Variants in ABCA4 observed in about 807,000 individuals in gnomAD.
ABCA4 encodes the protein ATP binding cassette subfamily A member 4.
In ABCA4, 196 loss-of-function variants were observed where a neutral mutation model predicts 263.7. The observed-to-expected ratio is 0.74, with a 90% CI of 0.66 to 0.84. ABCA4 has a LOEUF of 0.84. Among genes scored for constraint, ABCA4 ranks in the 40% least tolerant of loss-of-function variants. The probability of loss-of-function intolerance (pLI) is 0.00; values close to 1 mark genes in which losing one functional copy is unlikely to be tolerated. For missense variants in ABCA4, 2,792 were observed against 2,855.1 expected, an observed-to-expected ratio of 0.98 and a Z score of 0.50; for synonymous variants, 1,133 against 1,094.2, an observed-to-expected ratio of 1.04 and a Z score of -0.70.
intron 11 of ABCA4, among the ~76,000 whole-genome samples, chr1:94,071,739 C>T (rs12758774): frequency 0.14 from 20,657 of 152,190 alleles, 1,813 homozygotes; most frequent in Non-Finnish European, 0.19. Context: ...CCCATGACCC[C>T]GGTCTACCCC....
rs544986739 is a variant in ABCA4, at chr1:94,040,163, C to G, written c.3523-36G>C. On this transcript the variant is annotated intron_variant, in intron 23 of 49. Coordinates refer to ENST00000370225, the MANE Select transcript of ABCA4 (RefSeq NM_000350.3). Reference sequence around the variant, plus strand: ...TGGATGGGATGACTGACAAGATGCACATCCCTTCCATGACAGCCTCTCCCT... The same window carrying G: ...TGGATGGGATGACTGACAAGATGCAGATCCCTTCCATGACAGCCTCTCCCT... The G allele has an allele frequency of 9.8e-6, 15 of 1,525,378 alleles. No homozygotes were observed. In the East Asian group the frequency reaches 3.0e-4, roughly 30 times the overall value. 94.5% of individuals were successfully genotyped at this position (1,525,378 alleles called of 1,614,324 possible).
intron 30 of ABCA4, among the ~76,000 whole-genome samples, chr1:94,025,972 C>T (rs1660030756): frequency 6.6e-6 from 1 of 152,202 alleles, no homozygotes; most frequent in South Asian, 2.1e-4. Flanking sequence ...ATTTACAAAT[C>T]ACTTTCAAAA....
At chr1:94,032,886 C>T (rs541595977) in intron 26 of ABCA4, among the ~76,000 whole-genome samples, 3 of 152,286 alleles carry the variant, frequency 2.0e-5, no homozygotes, top group African/African-American at 7.2e-5. Context: ...AGACTTTAGC[C>T]TTTTGTGTAT....
At chr1:94,097,811 G>A (rs1323324193) in intron 6 of ABCA4, among the ~76,000 whole-genome samples, 3 of 152,116 alleles carry the variant, frequency 2.0e-5, no homozygotes, top group Non-Finnish European at 4.4e-5. Context: ...GTGCAGTGGC[G>A]CAATCTCGGC....
chr1:94,068,687 A>C (rs1283482877), intron 11 of ABCA4, among the ~76,000 whole-genome samples: 2 of 152,214 alleles, frequency 1.3e-5, no homozygotes, highest in African/African-American at 4.8e-5. Flanking sequence ...CTTCTACACT[A>C]AGAGTAACTA....
At chr1:94,015,697 G>C in intron 37 of ABCA4, 42 bp downstream of exon 37, 2 of 1,501,448 alleles carry the variant, frequency 1.3e-6, no homozygotes, top group Non-Finnish European at 1.8e-6. Context: ...CCACCACCAG[G>C]CTTCTCTTCA....
At chr1:94,053,208 T>G (rs1660885859) in intron 16 of ABCA4, among the ~76,000 whole-genome samples, 1 of 152,192 alleles carries the variant, frequency 6.6e-6, no homozygotes, top group African/African-American at 2.4e-5. Context: ...AAAGCTGTGA[T>G]TGTAAGTACA....
At chr1:94,061,198 G>T (rs751702809) in intron 13 of ABCA4, among the ~76,000 whole-genome samples, 1 of 152,130 alleles carries the variant, frequency 6.6e-6, no homozygotes, top group Non-Finnish European at 1.5e-5. Flanking sequence ...GCTCCCCAAG[G>T]GGTCAGCCGC....
intron 4 of ABCA4, among the ~76,000 whole-genome samples, chr1:94,107,454 A>G (rs918759432): frequency 6.6e-6 from 1 of 152,184 alleles, no homozygotes; most frequent in African/African-American, 2.4e-5. Context: ...TCCACAGAGG[A>G]GCCTACTACA....
rs752570732 is a variant in ABCA4 at position 94,036,380 on chromosome 1, C to CTTT, written c.3862+357_3862+359dup. ...GTTGTTTCATGACTTTTTCCTTAGACTTTTTTTTTTTTTTGAGATGGATTT... is the reference window on the plus strand; with the variant it reads ...GTTGTTTCATGACTTTTTCCTTAGACTTTTTTTTTTTTTTTTTGAGATGGATTT... On this transcript the variant is annotated intron_variant, in intron 26 of 49. Coordinates refer to ENST00000370225, the MANE Select transcript of ABCA4 (RefSeq NM_000350.3). 9.6e-4 allele frequency among the ~76,000 whole-genome samples: 135 copies of CTTT among 141,354 alleles called. 1 individual carries two copies. Among genetic ancestry groups the CTTT allele is most frequent in the African/African-American group, 3.4e-3 (129 of 38,326 alleles). 92.7% of individuals were successfully genotyped at this position (141,354 alleles called of 152,430 possible).
intron 43 of ABCA4, among the ~76,000 whole-genome samples, chr1:94,005,859 T>A (rs1659364468): frequency 6.6e-6 from 1 of 152,208 alleles, no homozygotes; most frequent in Admixed American, 6.5e-5. Context: ...TCACCTCACA[T>A]GTGAGTTTAA....
In ABCA4 at chr1:94,062,653, T is replaced by C. The variant is rs141122703; in HGVS notation, c.1861A>G (p.Arg621Gly). The change falls in exon 13 of 50, where the codon AGG becomes GGG. Residue 621 changes from arginine (R) to glycine (G), a missense_variant. Physicochemically the swap from Arg to Gly is moderately radical, Grantham distance 125. Coordinates refer to ENST00000370225, the MANE Select transcript of ABCA4 (RefSeq NM_000350.3). ...LQDMVEQGIT[R>G]SQVQAEAPVG... ...GGAGCCTCCGCCTGCACCTGGCTCC[T>C]TGTGATCCCCTGTTCAACCATGTCC... The C allele has an allele frequency of 9.2e-5, 148 of 1,614,068 alleles. 1 individual carries two copies. In the Admixed American group the frequency reaches 2.0e-3, roughly 22 times the overall value.
In ABCA4 at chr1:93,993,091, C is replaced by T; in HGVS notation, c.*146G>A. 4.7e-6 allele frequency: 5 copies of T among 1,056,580 alleles called. No homozygotes were observed. The highest frequency in any genetic ancestry group is 7.1e-6 in the Non-Finnish European group (5 of 707,740). 65.5% of individuals were successfully genotyped at this position (1,056,580 alleles called of 1,614,324 possible). A position where few individuals can be genotyped will look rare whatever the true frequency, so the allele number is the denominator to read the frequency against. On this transcript the variant is annotated 3_prime_UTR_variant, in exon 50 of 50. Transcript: ENST00000370225. ...TCTGAAAGACCTCTTTCTGAATTCG[C>T]TGCATGCTCCTCGTGTGTTTGTTTT...
rs4147872 is a variant in ABCA4 at position 93,995,982 on chromosome 1, G to A, written c.6816+127C>T. 101,114 of 769,660 alleles carry A rather than the reference G, an allele frequency of 0.13. 15,330 individuals carry two copies. Among genetic ancestry groups the A allele is most frequent in the African/African-American group, 0.63 (36,684 of 58,308 alleles). 47.7% of individuals were successfully genotyped at this position (769,660 alleles called of 1,614,324 possible). On this transcript the variant is annotated intron_variant, in intron 49 of 49. Transcript: ENST00000370225. ...ATGTGGTGGGGACTTGGTAGGGACC[G>A]TGGTGTGGGTGGGGCTCTCTGTAGG...
At chr1:94,089,726 T>C (rs935767712) in intron 6 of ABCA4, among the ~76,000 whole-genome samples, 5 of 152,144 alleles carry the variant, frequency 3.3e-5, no homozygotes, top group Admixed American at 6.5e-5. Context: ...CCTCCCAAAA[T>C]GCTGGGATTA....
rs113514871 is a variant in ABCA4 at position 94,121,139 on chromosome 1, C to A, written c.-94G>T. 204 of 1,104,000 alleles carry A rather than the reference C, an allele frequency of 1.8e-4. 2 individuals carry two copies. In the African/African-American group the frequency reaches 2.7e-3, roughly 14 times the overall value. The allele number at this position is 1,104,000 out of a possible 1,614,324, so 68.4% of individuals were successfully genotyped here. On this transcript the variant is annotated 5_prime_UTR_variant, in exon 1 of 50. Coordinates refer to ENST00000370225, the MANE Select transcript of ABCA4 (RefSeq NM_000350.3). Reference sequence around the variant, plus strand: ...CGTTAAGAGCGCCTCTGGCTCCGGACGCTGTGTCCTTCTCCTGGTGATTAA... The same window carrying A: ...CGTTAAGAGCGCCTCTGGCTCCGGAAGCTGTGTCCTTCTCCTGGTGATTAA...
intron 1 of ABCA4, among the ~76,000 whole-genome samples, chr1:94,116,938 C>CCCTT (rs60321670): frequency 0.037 from 5,350 of 145,898 alleles, 205 homozygotes; most frequent in East Asian, 0.14. Flanking sequence ...TTTTCTTTTC[C>CCCTT]CCTTCCCTCC....
rs139124388 is a variant in ABCA4, at chr1:93,999,804, A to G, written c.6479+1032T>C. 7.2e-4 allele frequency among the ~76,000 whole-genome samples: 110 copies of G among 152,282 alleles called. 2 individuals are homozygous for G. Among genetic ancestry groups the G allele is most frequent in the Middle Eastern group, 3.4e-3 (1 of 294 alleles). On this transcript the variant is annotated intron_variant, in intron 47 of 49. Coordinates refer to ENST00000370225, the MANE Select transcript of ABCA4 (RefSeq NM_000350.3). ...TCACCCCCTCTATCATGGAGATATT[A>G]AGGAGCTGGAGGGAAAGGAATAGGA...
At chr1:94,012,337 T>C (rs945067) in intron 38 of ABCA4, among the ~76,000 whole-genome samples, 109,595 of 152,166 alleles carry the variant, frequency 0.72, 41,508 homozygotes, top group South Asian at 0.87. Context: ...CCTTCTGCTT[T>C]CTTAAAGATT....
Sources: allele counts gnomAD v4.1 joint callset (sites outside exome capture counted in the v4.1 genomes callset), GRCh38; gene constraint gnomAD v4.1.1; transcripts MANE v1.5; gene names NCBI Gene and HGNC (gene_info 2026-07-23, HGNC 2026-07-21).